SLC29A3: variants seen among roughly 807,000 people sequenced by gnomAD.
The protein encoded by SLC29A3 is equilibrative nucleoside transporter 3.
A neutral mutation model predicts 25.4 loss-of-function variants in SLC29A3; 18 were observed. The ratio of observed to expected loss-of-function variants is 0.71; its 90% confidence interval spans 0.49 to 1.05. The LOEUF is 1.05. Ranked by LOEUF, SLC29A3 falls within the 50% of genes least tolerant of loss-of-function variation. SLC29A3 has a pLI of 0.00. For synonymous variants in SLC29A3, 258 were observed against 267.1 expected (o/e 0.97, Z 0.33); for missense variants, 586 against 609.0 (o/e 0.96, Z 0.40).
At chr10:71,328,850 G>C (rs1846042348) in intron 2 of SLC29A3, among the ~76,000 whole-genome samples, 1 of 152,164 alleles carries the variant, frequency 6.6e-6, no homozygotes. Flanking sequence ...GGGGGACCTA[G>C]GGCATCCCCT....
At chr10:71,368,745 G>A (rs1352912112) in intron 3 of SLC29A3, among the ~76,000 whole-genome samples, 1 of 152,116 alleles carries the variant, frequency 6.6e-6, no homozygotes, top group East Asian at 1.9e-4. Flanking sequence ...GGGGTTCCAA[G>A]AGCCTGGGCT....
chr10:71,344,084 G>A lies in SLC29A3; in HGVS notation c.301-125G>A, dbSNP rs74564591. The A allele has an allele frequency of 8.6e-4, 700 of 811,870 alleles. 1 individual carries two copies. The African/African-American group carries it at 8.6e-3, about 10-fold the overall frequency. 50.3% of individuals were successfully genotyped at this position (811,870 alleles called of 1,614,324 possible). ...CTTGTTTGGAGGTGGGCTCACCCAC[G>A]GCTCCTGGGTGTCTGAAGACAGTGG... On this transcript the variant is annotated intron_variant, in intron 2 of 5. Coordinates refer to ENST00000373189, the MANE Select transcript of SLC29A3 (RefSeq NM_018344.6).
At chr10:71,355,837 G>T (rs779210392) in intron 4 of SLC29A3, among the ~76,000 whole-genome samples, 19 of 152,220 alleles carry the variant, frequency 1.2e-4, no homozygotes, top group Non-Finnish European at 2.2e-4. Flanking sequence ...ACCTCAGGCA[G>T]CAGCCTCTTA....
intron 1 of SLC29A3, among the ~76,000 whole-genome samples, chr10:71,321,172 C>T (rs972968920): frequency 2.0e-5 from 3 of 152,158 alleles, no homozygotes; most frequent in African/African-American, 7.2e-5. Flanking sequence ...ATTTGTGGGA[C>T]ATAGCAAGTG....
downstream of SLC29A3, chr10:71,366,484 T>C (rs1009187259): frequency 3.9e-5 from 6 of 152,188 alleles, no homozygotes; most frequent in Non-Finnish European, 7.3e-5. Flanking sequence ...GCCCAACCAT[T>C]TTTCTCCTTT....
chr10:71,324,515 T>G (rs2131798952), intron 2 of SLC29A3, among the ~76,000 whole-genome samples: 1 of 152,346 alleles, frequency 6.6e-6, no homozygotes. Flanking sequence ...AACAGAATTC[T>G]TGTTGAAAGC....
chr10:71,339,749 C>G (rs1370290636), intron 2 of SLC29A3, among the ~76,000 whole-genome samples: 1 of 152,120 alleles, frequency 6.6e-6, no homozygotes, highest in Non-Finnish European at 1.5e-5. Context: ...GAATGTTTCT[C>G]TCCCCACTGG....
At chr10:71,357,950 G>T (rs1330758145) in intron 5 of SLC29A3, among the ~76,000 whole-genome samples, 1 of 152,224 alleles carries the variant, frequency 6.6e-6, no homozygotes, top group Non-Finnish European at 1.5e-5. Flanking sequence ...ATCTGCCCCT[G>T]ATGCGGCCCT....
chr10:71,319,647 C>G (rs1040754280), intron 1 of SLC29A3: 1 of 305,926 alleles, frequency 3.3e-6, no homozygotes, highest in African/African-American at 2.2e-5. Flanking sequence ...GCTGCGGGGC[C>G]TGAGGCTGGG....
At chr10:71,339,945 G>A (rs1033124186) in intron 2 of SLC29A3, among the ~76,000 whole-genome samples, 8 of 152,070 alleles carry the variant, frequency 5.3e-5, no homozygotes, top group Admixed American at 2.6e-4. Flanking sequence ...CAGCTCCTCC[G>A]TTGTATCCAC....
chr10:71,326,728 G>C (rs1233185449), intron 2 of SLC29A3, among the ~76,000 whole-genome samples: 1 of 152,212 alleles, frequency 6.6e-6, no homozygotes, highest in South Asian at 2.1e-4. Context: ...TCCCTTCCCA[G>C]CTGCAGGCAC....
At chr10:71,337,880 A>T (rs1285193788) in intron 2 of SLC29A3, among the ~76,000 whole-genome samples, 5 of 152,248 alleles carry the variant, frequency 3.3e-5, no homozygotes, top group African/African-American at 1.2e-4. Context: ...ACATCTGGCC[A>T]GCTGGCTCTG....
intron 2 of SLC29A3, among the ~76,000 whole-genome samples, chr10:71,336,177 CTG>C (rs2131814814): frequency 6.6e-6 from 1 of 152,306 alleles, no homozygotes; most frequent in South Asian, 2.1e-4. Flanking sequence ...CAGCCTCTGC[CTG>C]TGTGTCTGTG....
At chr10:71,342,152 G>A (rs1459572937) in intron 2 of SLC29A3, among the ~76,000 whole-genome samples, 2 of 152,194 alleles carry the variant, frequency 1.3e-5, no homozygotes, top group Non-Finnish European at 2.9e-5. Context: ...CTTAGAGTCT[G>A]CCACCACACC....
intron 2 of SLC29A3, among the ~76,000 whole-genome samples, chr10:71,330,572 G>C (rs1464983221): frequency 6.6e-6 from 1 of 152,238 alleles, no homozygotes; most frequent in Admixed American, 6.5e-5. Flanking sequence ...CCACTGTGTG[G>C]GTTGGAGGCA....
At chr10:71,371,592 A>C (rs1183380199) in intron 3 of SLC29A3, among the ~76,000 whole-genome samples, 1 of 152,178 alleles carries the variant, frequency 6.6e-6, no homozygotes, top group Non-Finnish European at 1.5e-5. Flanking sequence ...GGACAGAGCA[A>C]TGGACAGAGC....
intron 4 of SLC29A3, among the ~76,000 whole-genome samples, chr10:71,378,673 C>T (rs1034757118): frequency 6.6e-6 from 1 of 152,172 alleles, no homozygotes; most frequent in Non-Finnish European, 1.5e-5. Context: ...GGGCTGGGGC[C>T]CAGTCATTGG....
At chr10:71,367,849 G>C (rs1255621616), downstream of SLC29A3, among the ~76,000 whole-genome samples, 1 of 152,202 alleles carries the variant, frequency 6.6e-6, no homozygotes, top group Non-Finnish European at 1.5e-5. Flanking sequence ...CAGACACTCA[G>C]ACCGAGGTTG....
At chr10:71,338,597 A>G (rs954847313) in intron 2 of SLC29A3, among the ~76,000 whole-genome samples, 1 of 152,044 alleles carries the variant, frequency 6.6e-6, no homozygotes, top group Non-Finnish European at 1.5e-5. Flanking sequence ...GTCTCTACTA[A>G]AAATACAAAA....
Sources: allele counts gnomAD v4.1 joint callset (sites outside exome capture counted in the v4.1 genomes callset), GRCh38; gene constraint gnomAD v4.1.1; transcripts MANE v1.5; gene names NCBI Gene and HGNC (gene_info 2026-07-23, HGNC 2026-07-21).